Variants in CEP55 observed in about 807,000 individuals in gnomAD.
The protein encoded by CEP55 is centrosomal protein of 55 kDa.
A neutral mutation model predicts 63.2 loss-of-function variants in CEP55; 57 were observed. That is an observed-to-expected ratio of 0.90 (90% CI 0.73 to 1.13). The LOEUF (loss-of-function observed/expected upper bound fraction) is 1.13, where lower values mean the gene tolerates loss of function less well. Among genes scored for constraint, CEP55 ranks in the 50% most tolerant of loss-of-function variants. The probability of loss-of-function intolerance (pLI) is 0.00; values close to 1 mark genes in which losing one functional copy is unlikely to be tolerated. For missense variants in CEP55, 456 were observed against 518.9 expected (o/e 0.88, Z 1.18); for synonymous variants, 178 against 191.6 (o/e 0.93, Z 0.59).
Position 93,528,959 on chromosome 10 carries a change from T to C in CEP55, c.*806T>C, listed in dbSNP as rs1013322787. 1 of 152,102 alleles carries C rather than the reference T, an allele frequency of 6.6e-6. No individual in the cohort carries two copies. Among genetic ancestry groups the C allele is most frequent in the Non-Finnish European group, 1.5e-5 (1 of 67,924 alleles). The allele number at this position is 152,102 out of a possible 1,614,324, so 9.4% of individuals were successfully genotyped here. A position where few individuals can be genotyped will look rare whatever the true frequency, so the allele number is the denominator to read the frequency against. On this transcript the variant is annotated 3_prime_UTR_variant, in exon 9 of 9. Coordinates refer to ENST00000371485, the MANE Select transcript of CEP55 (RefSeq NM_018131.5). ...AGCTGGGCAATGTAATGATCAGATC[T>C]TTGTTTGTCTGAACAGGTATTTTTA...
In CEP55 at chr10:93,522,020, C is replaced by A. The variant is rs190779822; in HGVS notation, c.1191+2213C>A. On this transcript the variant is annotated intron_variant, in intron 8 of 8. Coordinates refer to ENST00000371485, the MANE Select transcript of CEP55 (RefSeq NM_018131.5). ...AAAAACAGCAGAAAAACTGAAAATTCTAAAAATCAGAGTGCCTCTCCTCCT... is the reference window on the plus strand; with the variant it reads ...AAAAACAGCAGAAAAACTGAAAATTATAAAAATCAGAGTGCCTCTCCTCCT... Among the ~76,000 whole-genome samples, 99 of 152,316 alleles carry A rather than the reference C, an allele frequency of 6.5e-4. No individual in the cohort carries two copies. The East Asian group carries it at 0.018, about 27-fold the overall frequency.
chr10:93,527,998 G>A lies in CEP55; in HGVS notation c.1240G>A (p.Gly414Arg). 6.2e-7 allele frequency: 1 copy of A among 1,613,982 alleles called. No homozygotes were observed. Among genetic ancestry groups the A allele is most frequent in the Non-Finnish European group, 8.5e-7 (1 of 1,180,010 alleles). The change falls in exon 9 of 9, where the codon GGA becomes AGA. Residue 414 changes from glycine (G) to arginine (R), a missense_variant. Transcript: ENST00000371485. ...AITEPLVTFQ[G>R]ETENREKVAA... ...CACAGAGCCATTAGTCACTTTCCAA[G>A]GAGAGACTGAAAACAGAGAAAAAGT... is the stretch of plus-strand genomic sequence containing the variant.
chr10:93,521,874 A>G (rs1033744059), intron 8 of CEP55, among the ~76,000 whole-genome samples: 3 of 152,254 alleles, frequency 2.0e-5, no homozygotes, highest in Non-Finnish European at 4.4e-5. Flanking sequence ...AAAGACCTGC[A>G]TCTGAGGGTC....
At chr10:93,525,043 C>A (rs533765083) in intron 8 of CEP55, among the ~76,000 whole-genome samples, 8,446 of 150,220 alleles carry the variant, frequency 0.056, 759 homozygotes, top group African/African-American at 0.2. Flanking sequence ...ACAGGGATGT[C>A]CTCTCTCACC....
rs201119474 is a variant in CEP55 at position 93,528,115 on chromosome 10, C to A, written c.1357C>A (p.Arg453Ser). Reference protein sequence around the residue: ...CNIQYPATEHRDLLVHVEYCS... With the variant: ...CNIQYPATEHSDLLVHVEYCS... ...TATACAGTATCCAGCCACTGAGCAT[C>A]GCGATCTGCTTGTCCATGTGGAATA... The change falls in exon 9 of 9, where the codon CGC (arginine) becomes AGC (serine). Residue 453 changes from arginine to serine, a missense_variant. Physicochemically the swap from Arg to Ser is moderately radical, Grantham distance 110 (BLOSUM62 -1). Transcript: ENST00000371485. 6.2e-7 allele frequency: 1 copy of A among 1,613,968 alleles called. No individual in the cohort carries two copies. Among genetic ancestry groups the A allele is most frequent in the Non-Finnish European group, 8.5e-7 (1 of 1,179,954 alleles).
At chr10:93,524,451 C>T (rs889331706) in intron 8 of CEP55, among the ~76,000 whole-genome samples, 1 of 152,130 alleles carries the variant, frequency 6.6e-6, no homozygotes, top group Non-Finnish European at 1.5e-5. Flanking sequence ...TAATTAATAG[C>T]TTACCAACCA....
At chr10:93,510,577 C>T (rs1439409551) in intron 4 of CEP55, 1 of 152,144 alleles carries the variant, frequency 6.6e-6, no homozygotes, top group African/African-American at 2.4e-5. Flanking sequence ...CCATATACTT[C>T]AATGTGTGTT....
At chr10:93,524,016 C>T (rs971887897) in intron 8 of CEP55, among the ~76,000 whole-genome samples, 1 of 152,062 alleles carries the variant, frequency 6.6e-6, no homozygotes, top group African/African-American at 2.4e-5. Flanking sequence ...ACCCTAACGT[C>T]ACAATTAAAA....
chr10:93,508,597 T>C (rs2057711521), intron 4 of CEP55, among the ~76,000 whole-genome samples: 2 of 152,210 alleles, frequency 1.3e-5, no homozygotes, highest in Non-Finnish European at 2.9e-5. Context: ...CTTACACAGC[T>C]CCTGCATTCC....
At chr10:93,499,675 C>G (rs1012099428) in intron 1 of CEP55, among the ~76,000 whole-genome samples, 2 of 152,020 alleles carry the variant, frequency 1.3e-5, no homozygotes, top group African/African-American at 4.8e-5. Context: ...GCACCTGCCA[C>G]CACGCCTGGC....
At chr10:93,519,940 C>A in intron 8 of CEP55, 133 bp downstream of exon 8, 1 of 918,734 alleles carries the variant, frequency 1.1e-6, no homozygotes, top group Non-Finnish European at 1.7e-6. Context: ...GCCTCTGCCT[C>A]ATTTGAAGCA....
At chr10:93,503,628 G>C (rs988430335) in intron 3 of CEP55, among the ~76,000 whole-genome samples, 1 of 152,064 alleles carries the variant, frequency 6.6e-6, no homozygotes, top group African/African-American at 2.4e-5. Flanking sequence ...ATATTCAGAA[G>C]ACAGCATCTA....
In CEP55 at chr10:93,516,979, G is replaced by A. The variant is rs763025402; in HGVS notation, c.724G>A (p.Ala242Thr). The change falls in exon 6 of 9, where the codon GCA becomes ACA. Residue 242 changes from alanine to threonine, a missense_variant. By Grantham distance (58) the Ala-to-Thr change is moderately conservative. Coordinates refer to ENST00000371485, the MANE Select transcript of CEP55 (RefSeq NM_018131.5). ...GCAGAAATGTTACAACGATCTCTTG[G>A]CAAGTGCAAAAAAAGATCTTGAGGT... ...EKQKCYNDLL[A>T]SAKKDLEVER... The A allele has an allele frequency of 6.2e-7, 1 of 1,601,686 alleles. No homozygotes were observed. The highest frequency in any genetic ancestry group is 1.1e-5 in the South Asian group (1 of 89,612).
chr10:93,505,753 C>T (rs1236422105), intron 3 of CEP55, among the ~76,000 whole-genome samples: 1 of 152,116 alleles, frequency 6.6e-6, no homozygotes, highest in Non-Finnish European at 1.5e-5. Flanking sequence ...TACCTAGCCA[C>T]CCACTTCTCT....
intron 2 of CEP55, among the ~76,000 whole-genome samples, chr10:93,502,286 G>A (rs1024213770): frequency 3.3e-5 from 5 of 152,128 alleles, no homozygotes; most frequent in African/African-American, 1.2e-4. Flanking sequence ...AAAATTGTAT[G>A]GCTCTGTTAT....
intron 2 of CEP55, 93 bp downstream of exon 2, chr10:93,500,327 C>T: frequency 1.9e-6 from 2 of 1,064,232 alleles, no homozygotes; most frequent in Non-Finnish European, 2.8e-6. Flanking sequence ...TTGCCGTGTT[C>T]CCTGTCTTGT....
Position 93,518,898 on chromosome 10 carries a change from C to G in CEP55, c.1015C>G (p.Leu339Val). 6.2e-7 allele frequency: 1 copy of G among 1,612,196 alleles called. No homozygotes were observed. The highest frequency in any genetic ancestry group is 8.5e-7 in the Non-Finnish European group (1 of 1,178,370). The change falls in exon 7 of 9, where the codon CTG becomes GTG. Residue 339 changes from leucine to valine, a missense_variant. By Grantham distance (32) the Leu-to-Val change is conservative. Transcript: ENST00000371485. ...LSQVQFLYTS[L>V]LKQQEEQTRV... ...ACAGGTCCAGTTTCTTTACACATCT[C>G]TGCTAAAGCAGCAAGAAGAACAAAC...
intron 2 of CEP55, among the ~76,000 whole-genome samples, chr10:93,502,403 T>C (rs1589646327): frequency 1.3e-5 from 2 of 152,346 alleles, no homozygotes; most frequent in South Asian, 4.1e-4. Context: ...CCATTTTATA[T>C]TTGAACAACT....
At chr10:93,519,053 G>C in intron 7 of CEP55, 105 bp downstream of exon 7, 1 of 834,120 alleles carries the variant, frequency 1.2e-6, no homozygotes, top group Middle Eastern at 2.3e-4. Context: ...GTTGTGAAAA[G>C]TGTCTTTAAA....
Sources: allele counts gnomAD v4.1 joint callset (sites outside exome capture counted in the v4.1 genomes callset), GRCh38; gene constraint gnomAD v4.1.1; transcripts MANE v1.5; gene names NCBI Gene and HGNC (gene_info 2026-07-23, HGNC 2026-07-21).